THOC1: variants seen among roughly 807,000 people sequenced by gnomAD.
THOC1 encodes THO complex subunit 1.
In THOC1, 29 loss-of-function variants were observed where a neutral mutation model predicts 97.3. The observed-to-expected ratio is 0.30, with a 90% CI of 0.22 to 0.41. The LOEUF is 0.41. THOC1 is among the 10% of genes least tolerant of loss of function. The pLI, the probability that THOC1 is intolerant of heterozygous loss-of-function variation, is 1.00. For missense variants in THOC1, 529 were observed against 761.9 expected, an observed-to-expected ratio of 0.69 and a Z score of 3.60; for synonymous variants, 255 against 257.0, an observed-to-expected ratio of 0.99 and a Z score of 0.07.
In THOC1 at chr18:238,554, G is replaced by A. The variant is rs138893074; in HGVS notation, c.918+7770C>T. On this transcript the variant is annotated intron_variant, in intron 11 of 20. Transcript: ENST00000261600. Reference sequence around the variant, plus strand: ...GGCTCCTGGGCTACGAACCTGTAGAGCATGTTACTGCACTGAATACTGTAA... The same window carrying A: ...GGCTCCTGGGCTACGAACCTGTAGAACATGTTACTGCACTGAATACTGTAA... Among the ~76,000 whole-genome samples the A allele has an allele frequency of 3.9e-3, 587 of 152,344 alleles. 13 individuals carry two copies. Among genetic ancestry groups the A allele is most frequent in the Admixed American group, 0.035 (538 of 15,298 alleles).
intron 7 of THOC1, among the ~76,000 whole-genome samples, chr18:257,257 C>T (rs1253716190): frequency 1.3e-5 from 2 of 151,996 alleles, no homozygotes; most frequent in African/African-American, 4.8e-5. Flanking sequence ...CATGACTATT[C>T]CAGAACAATT....
chr18:255,769 G>A (rs182485587), intron 7 of THOC1, among the ~76,000 whole-genome samples: 32 of 152,328 alleles, frequency 2.1e-4, no homozygotes, highest in Admixed American at 2.6e-4. Context: ...GTCACTGCTT[G>A]CCTTCAAGGG....
intron 12 of THOC1, 151 bp downstream of exon 12, chr18:226,650 T>C (rs544196657): frequency 1.8e-4 from 98 of 542,832 alleles, no homozygotes; most frequent in African/African-American, 1.8e-3. Context: ...TATCCTAATA[T>C]CGAAAAGCCT....
Position 215,381 on chromosome 18 carries a change from C to CTG in THOC1, c.1678+47_1678+48insCA. 2.1e-6 allele frequency: 3 copies of CTG among 1,434,442 alleles called. No homozygotes were observed. In the South Asian group the frequency reaches 3.5e-5, roughly 17 times the overall value. The allele number at this position is 1,434,442 out of a possible 1,614,324, so 88.9% of individuals were successfully genotyped here. ...ATAATGTACCTATCAACAAAGAACC[C>CTG]CAATCGTCTTCAATTTTGTTAAATA... On this transcript the variant is annotated intron_variant, in intron 20 of 20. Coordinates refer to ENST00000261600, the MANE Select transcript of THOC1 (RefSeq NM_005131.3).
At chr18:260,399 A>G (rs1912567399) in intron 4 of THOC1, 95 bp from the exon 5 acceptor site, 2 of 799,822 alleles carry the variant, frequency 2.5e-6, no homozygotes, top group Non-Finnish European at 3.6e-6. Context: ...TAAAAGGTAC[A>G]CTTTGTTACT....
rs1911239130 is a variant in THOC1, at chr18:225,200, T to C, written c.1087-61A>G. 7 of 1,533,096 alleles carry C rather than the reference T, an allele frequency of 4.6e-6. No homozygotes were observed. In the South Asian group the frequency reaches 4.8e-5, roughly 11 times the overall value. The allele number at this position is 1,533,096 out of a possible 1,614,324, so 95.0% of individuals were successfully genotyped here. A position where few individuals can be genotyped will look rare whatever the true frequency, so the allele number is the denominator to read the frequency against. The stretch of plus-strand genomic sequence containing the variant: ...CTTTCTGCATCATAGGAGTGGTTTG[T>C]AGGCAGAGAACCAAGGAGTGTTTGT... On this transcript the variant is annotated intron_variant, in intron 13 of 20. Coordinates refer to ENST00000261600, the MANE Select transcript of THOC1 (RefSeq NM_005131.3).
intron 4 of THOC1, among the ~76,000 whole-genome samples, chr18:263,237 C>T (rs186914520): frequency 3.9e-5 from 6 of 152,232 alleles, no homozygotes; most frequent in Non-Finnish European, 5.9e-5. Context: ...CCCGACACCG[C>T]GCCCGGCTAA....
chr18:218,501 CAG>C (rs779728462), intron 18 of THOC1, among the ~76,000 whole-genome samples: 3 of 152,026 alleles, frequency 2.0e-5, no homozygotes, highest in Non-Finnish European at 4.4e-5. Flanking sequence ...AAAGGGCAAA[CAG>C]AAGAACCATG....
At chr18:251,770 T>C (rs1475889998) in intron 9 of THOC1, among the ~76,000 whole-genome samples, 1 of 152,234 alleles carries the variant, frequency 6.6e-6, no homozygotes, top group Non-Finnish European at 1.5e-5. Flanking sequence ...GATGGCGTCC[T>C]GTACAGGGTT....
intron 18 of THOC1, among the ~76,000 whole-genome samples, chr18:217,659 A>AAGTGGTAAGTGCCACCTTCTCATTTGGAT (rs1910939615): frequency 2.6e-5 from 4 of 152,194 alleles, no homozygotes; most frequent in African/African-American, 4.8e-5. Flanking sequence ...AGAAATGAGA[A>AAGTGGTAAGTGCCACCTTCTCATTTGGAT]AGTGGTAAGT....
chr18:243,546 AT>A lies in THOC1; in HGVS notation c.918+2777del, dbSNP rs66924171. Among the ~76,000 whole-genome samples the A allele has an allele frequency of 8.5e-3, 1,269 of 150,168 alleles. 12 individuals carry two copies. Among genetic ancestry groups the A allele is most frequent in the African/African-American group, 0.027 (1,094 of 41,082 alleles). On this transcript the variant is annotated intron_variant, in intron 11 of 20. Transcript: ENST00000261600. ...GAGCAAAACTCCGTCTCAAAAAAAAATATATATATATATATCAATTAAGACA... is the reference window on the plus strand; with the variant it reads ...GAGCAAAACTCCGTCTCAAAAAAAAAATATATATATATATCAATTAAGACA...
At chr18:258,684 C>T (rs765621453) in intron 7 of THOC1, among the ~76,000 whole-genome samples, 4 of 152,016 alleles carry the variant, frequency 2.6e-5, no homozygotes, top group African/African-American at 4.8e-5. Flanking sequence ...ACTGGGGAGG[C>T]GGAAGGCTCT....
Position 256,819 on chromosome 18 carries a change from A to T in THOC1, c.520+2361T>A, listed in dbSNP as rs192340975. ...CCAAACAGCATCATGTGCTACAGAG[A>T]AATCTTTCGTGAAAGGAAGAGTCAA... On this transcript the variant is annotated intron_variant, in intron 7 of 20. Transcript: ENST00000261600. Among the ~76,000 whole-genome samples, 146 of 152,336 alleles carry T rather than the reference A, an allele frequency of 9.6e-4. 1 individual carries two copies. Among genetic ancestry groups the T allele is most frequent in the African/African-American group, 3.3e-3 (137 of 41,594 alleles).
chr18:243,224 C>T (rs1479252555), intron 11 of THOC1, among the ~76,000 whole-genome samples: 1 of 152,096 alleles, frequency 6.6e-6, no homozygotes, highest in Admixed American at 6.6e-5. Flanking sequence ...AGTGCTTAAT[C>T]CTGAAAGTTC....
intron 11 of THOC1, among the ~76,000 whole-genome samples, chr18:235,928 A>G (rs680418): frequency 0.15 from 23,191 of 152,242 alleles, 2,251 homozygotes; most frequent in Non-Finnish European, 0.23. Context: ...TTAAAAATAC[A>G]TACTGTAATT....
chr18:225,636 TAATC>T (rs368876563), intron 12 of THOC1: 266 of 503,348 alleles, frequency 5.3e-4, no homozygotes, highest in Middle Eastern at 1.0e-3. Flanking sequence ...AACATTCAAT[TAATC>T]AATCAGATTC....
At chr18:250,741 T>C (rs1912251986) in intron 9 of THOC1, among the ~76,000 whole-genome samples, 1 of 152,188 alleles carries the variant, frequency 6.6e-6, no homozygotes, top group Non-Finnish European at 1.5e-5. Flanking sequence ...TATTCAACAT[T>C]AGTGACTGTG....
chr18:262,259 T>G lies in THOC1; in HGVS notation c.256+1767A>C, dbSNP rs143919616. Among the ~76,000 whole-genome samples the G allele has an allele frequency of 3.3e-5, 5 of 152,336 alleles. No homozygotes were observed. The East Asian group carries it at 9.6e-4, about 29-fold the overall frequency. On this transcript the variant is annotated intron_variant, in intron 4 of 20. Coordinates refer to ENST00000261600, the MANE Select transcript of THOC1 (RefSeq NM_005131.3). ...TTTAGCACATCCTAACTAGTCACCT[T>G]TGAATGTAGACTATGAGCTTTTTAA...
intron 4 of THOC1, chr18:261,238 C>T (rs994027018): frequency 2.0e-5 from 3 of 152,178 alleles, no homozygotes; most frequent in African/African-American, 7.2e-5. Context: ...CCTACTCATT[C>T]TTCCTTCTAT....
Sources: allele counts gnomAD v4.1 joint callset (sites outside exome capture counted in the v4.1 genomes callset), GRCh38; gene constraint gnomAD v4.1.1; transcripts MANE v1.5; gene names NCBI Gene and HGNC (gene_info 2026-07-23, HGNC 2026-07-21).